Variants in CACNA1C observed in about 807,000 individuals in gnomAD.
CACNA1C encodes voltage-dependent L-type calcium channel subunit alpha-1C.
CACNA1C carries 30 observed loss-of-function variants against 229.0 expected under a neutral mutation model. The observed-to-expected ratio is 0.13, with a 90% CI of 0.10 to 0.18. CACNA1C has a LOEUF of 0.18. Among genes scored for constraint, CACNA1C ranks in the 10% least tolerant of loss-of-function variants. The probability of loss-of-function intolerance (pLI) is 1.00; values close to 1 mark genes in which losing one functional copy is unlikely to be tolerated. For missense variants in CACNA1C, 1,658 were observed against 2,845.0 expected (o/e 0.58, Z 9.49); for synonymous variants, 1,114 against 1,132.5 (o/e 0.98, Z 0.33).
chr12:2,098,402 T>C (rs1402951532), intron 1 of CACNA1C, among the ~76,000 whole-genome samples: 12 of 152,352 alleles, frequency 7.9e-5, no homozygotes, highest in Non-Finnish European at 1.5e-5. Context: ...TGTCGTGCCT[T>C]AGTGAGAATT....
chr12:2,510,767 A>C (rs1203428741), intron 8 of CACNA1C, among the ~76,000 whole-genome samples: 1 of 152,080 alleles, frequency 6.6e-6, no homozygotes, highest in Admixed American at 6.6e-5. Flanking sequence ...CTCCAAACCC[A>C]CCCCAGAGGG....
chr12:2,277,427 A>T (rs949266699), intron 3 of CACNA1C, among the ~76,000 whole-genome samples: 13 of 125,498 alleles, frequency 1.0e-4, no homozygotes, highest in African/African-American at 3.4e-4. Context: ...ACACACACAC[A>T]CTGAGGGCTG....
intron 13 of CACNA1C, among the ~76,000 whole-genome samples, chr12:2,579,358 G>C (rs536447578): frequency 5.3e-5 from 8 of 151,992 alleles, no homozygotes; most frequent in Non-Finnish European, 8.8e-5. Context: ...CTCTTCCCTC[G>C]GATACAGCTG....
At chr12:2,502,659 A>T (rs1299175097) in intron 7 of CACNA1C, among the ~76,000 whole-genome samples, 1 of 152,162 alleles carries the variant, frequency 6.6e-6, no homozygotes, top group East Asian at 1.9e-4. Flanking sequence ...TCTGTAAAGA[A>T]CATATTGGGA....
intron 1 of CACNA1C, among the ~76,000 whole-genome samples, chr12:1,999,121 T>C (rs2041603374): frequency 6.6e-6 from 1 of 152,224 alleles, no homozygotes; most frequent in Non-Finnish European, 1.5e-5. Flanking sequence ...ATGCAAGCTC[T>C]TGGGCTCCTG....
Position 2,543,987 on chromosome 12 carries a change from A to G in CACNA1C, c.1391-5956A>G, listed in dbSNP as rs532854810. Among the ~76,000 whole-genome samples the G allele has an allele frequency of 9.9e-5, 15 of 152,272 alleles. No individual in the cohort carries two copies. The South Asian group carries it at 2.7e-3, about 27-fold the overall frequency. ...ATAGAAACTTGGTGACTGGCAGCCT[A>G]CGTCCACCCCCTATATCTCCAGAAA... On this transcript the variant is annotated intron_variant, in intron 9 of 46. Transcript: ENST00000399655.
intron 9 of CACNA1C, 104 bp from the exon 10 acceptor site, chr12:2,549,839 A>G (rs1426505040): frequency 1.3e-6 from 1 of 797,586 alleles, no homozygotes; most frequent in Non-Finnish European, 2.2e-6. Flanking sequence ...CTTTCTGCCA[A>G]CCCGCACTGG....
rs2090705919 is a variant in CACNA1C at position 2,280,286 on chromosome 12, G to A, written c.477+159856G>A. 7.6e-5 allele frequency among the ~76,000 whole-genome samples: 6 copies of A among 78,668 alleles called. 1 individual carries two copies. The highest frequency in any genetic ancestry group is 5.8e-4 in the Admixed American group (5 of 8,558). 51.6% of individuals were successfully genotyped at this position (78,668 alleles called of 152,430 possible). A position where few individuals can be genotyped will look rare whatever the true frequency, so the allele number is the denominator to read the frequency against. ...ACCTCTTGATACCTTGCTGTGCTTCGGTTTAACCTCTTGATACCTTGCTGT... is the reference window on the plus strand; with the variant it reads ...ACCTCTTGATACCTTGCTGTGCTTCAGTTTAACCTCTTGATACCTTGCTGT... On this transcript the variant is annotated intron_variant, in intron 3 of 46. Transcript: ENST00000399655.
intron 3 of CACNA1C, among the ~76,000 whole-genome samples, chr12:2,420,123 G>A (rs2098962338): frequency 6.6e-6 from 1 of 150,524 alleles, no homozygotes; most frequent in East Asian, 1.9e-4. Context: ...GTGTGTGTGT[G>A]TGTGTGTGTG....
intron 3 of CACNA1C, among the ~76,000 whole-genome samples, chr12:2,447,252 T>A (rs1414869958): frequency 6.6e-6 from 1 of 152,154 alleles, no homozygotes; most frequent in Non-Finnish European, 1.5e-5. Context: ...GCTTCCCACG[T>A]CCTGTGATTT....
At chr12:2,148,931 G>T (rs1424017301) in intron 3 of CACNA1C, among the ~76,000 whole-genome samples, 4 of 152,204 alleles carry the variant, frequency 2.6e-5, no homozygotes, top group African/African-American at 7.2e-5. Context: ...TTGCTTTGCA[G>T]CCTGTCTGGA....
chr12:2,486,247 C>G lies in CACNA1C; in HGVS notation c.901C>G (p.Gln301Glu), dbSNP rs538921079. 1.9e-6 allele frequency: 3 copies of G among 1,613,426 alleles called. No individual in the cohort carries two copies. The African/African-American group carries it at 4.0e-5, about 22-fold the overall frequency. The change falls in exon 6 of 47, where the codon CAG (glutamine) becomes GAG (glutamate). Residue 301 changes from glutamine to glutamate, a missense_variant. Gln to Glu is a conservative substitution (Grantham distance 29). Coordinates refer to ENST00000399655, the MANE Select transcript of CACNA1C (RefSeq NM_000719.7). This position sits in a 1 kb window ranked among gnomAD's most constrained non-coding sequence, Gnocchi z 4.9. Reference sequence around the variant, plus strand: ...GAAGATGCACAAGACCTGCTACAACCAGGAGGGCATAGCAGGTAAGAGGGG... The same window carrying G: ...GAAGATGCACAAGACCTGCTACAACGAGGAGGGCATAGCAGGTAAGAGGGG... ...MGKMHKTCYN[Q>E]EGIADVPAED...
intron 27 of CACNA1C, among the ~76,000 whole-genome samples, chr12:2,610,201 G>A (rs536592078): frequency 6.6e-6 from 1 of 152,280 alleles, no homozygotes; most frequent in South Asian, 2.1e-4. Context: ...CAGTCGGTCA[G>A]GAAGCACATT....
At chr12:2,043,469 G>A (rs1386988009) in intron 1 of CACNA1C, among the ~76,000 whole-genome samples, 1 of 152,046 alleles carries the variant, frequency 6.6e-6, no homozygotes, top group East Asian at 1.9e-4. Flanking sequence ...TGGCAGGAGA[G>A]GGGAGAGACA....
intron 3 of CACNA1C, among the ~76,000 whole-genome samples, chr12:2,144,760 G>A (rs1261249579): frequency 2.0e-5 from 3 of 151,378 alleles, no homozygotes; most frequent in African/African-American, 7.3e-5. Flanking sequence ...AAATGTTTTA[G>A]GGTAGATTGT....
chr12:2,601,479 C>T lies in CACNA1C; in HGVS notation c.2854-375C>T, dbSNP rs1384033731. Among the ~76,000 whole-genome samples the T allele has an allele frequency of 6.6e-6, 1 of 152,098 alleles. No individual in the cohort carries two copies. Among genetic ancestry groups the T allele is most frequent in the African/African-American group, 2.4e-5 (1 of 41,420 alleles). ...TGGAGAGGCAGTCGGGATGTGTGCTCCCAACCCGACAGCATCAGGAAAGGA... is the reference window on the plus strand; with the variant it reads ...TGGAGAGGCAGTCGGGATGTGTGCTTCCAACCCGACAGCATCAGGAAAGGA... On this transcript the variant is annotated intron_variant, in intron 21 of 46. Transcript: ENST00000399655. The surrounding 1 kb of genome is among the most constrained non-coding windows in gnomAD (Gnocchi z 5.9).
intron 3 of CACNA1C, among the ~76,000 whole-genome samples, chr12:2,151,657 T>C (rs1187721132): frequency 1.3e-5 from 2 of 151,976 alleles, no homozygotes; most frequent in African/African-American, 4.8e-5. Context: ...TTTGCAGAAA[T>C]GGCTTTGTAT....
rs750567969 is a variant in CACNA1C at position 2,285,455 on chromosome 12, G to T, written c.478-163521G>T. ...GGCTGCAGGGAGAGCCCAGGTAGTGGAGGAAATGGCAGCCTTCCTTCCTTG... is the reference window on the plus strand; with the variant it reads ...GGCTGCAGGGAGAGCCCAGGTAGTGTAGGAAATGGCAGCCTTCCTTCCTTG... On this transcript the variant is annotated intron_variant, in intron 3 of 46. Coordinates refer to ENST00000399655, the MANE Select transcript of CACNA1C (RefSeq NM_000719.7). This position sits in a 1 kb window ranked among gnomAD's most constrained non-coding sequence, Gnocchi z 4.2. Among the ~76,000 whole-genome samples, 1 of 152,190 alleles carries T rather than the reference G, an allele frequency of 6.6e-6. No homozygotes were observed. The highest frequency in any genetic ancestry group is 1.5e-5 in the Non-Finnish European group (1 of 68,038).
intron 3 of CACNA1C, among the ~76,000 whole-genome samples, chr12:2,445,082 A>G (rs928663618): frequency 2.0e-5 from 3 of 152,168 alleles, no homozygotes; most frequent in Non-Finnish European, 2.9e-5. Context: ...AAATGTTTGC[A>G]TAGCAGAGCT....
Sources: gnomAD v4.1 joint callset for allele counts (sites outside exome capture counted in the v4.1 genomes callset) on GRCh38, gnomAD v4.1.1 for gene constraint, Gnocchi (gnomAD v3.1) non-coding constraint, MANE v1.5 for transcripts, NCBI Gene and HGNC (gene_info 2026-07-23, HGNC 2026-07-21) for gene names.